The following DCC variants were observed in gnomAD, a reference collection of about 807,000 sequenced individuals.
The protein encoded by DCC is DCC netrin 1 receptor, also known as netrin receptor DCC.
In DCC, 58 loss-of-function variants were observed where a neutral mutation model predicts 172.5. The observed-to-expected ratio is 0.34, with a 90% CI of 0.27 to 0.42. The LOEUF is 0.42. DCC is among the 10% of genes least tolerant of loss of function. The pLI is 1.00. For synonymous variants in DCC, 709 were observed against 644.5 expected (o/e 1.10, Z -1.52); for missense variants, 1,740 against 1,791.0 (o/e 0.97, Z 0.51).
At chr18:52,575,291 A>G (rs1249166776) in intron 1 of DCC, among the ~76,000 whole-genome samples, 1 of 152,202 alleles carries the variant, frequency 6.6e-6, no homozygotes, top group Non-Finnish European at 1.5e-5. Context: ...AATTACTAAA[A>G]TATACATACT....
chr18:53,370,885 T>C (rs1282945313), intron 15 of DCC, among the ~76,000 whole-genome samples: 2 of 151,794 alleles, frequency 1.3e-5, no homozygotes, highest in African/African-American at 4.8e-5. Context: ...TCTATTTTCT[T>C]ATTTATCTTA....
Position 53,275,472 on chromosome 18 carries a change from C to G in DCC, c.1912-30106C>G, listed in dbSNP as rs73463049. On this transcript the variant is annotated intron_variant, in intron 12 of 28. Coordinates refer to ENST00000442544, the MANE Select transcript of DCC (RefSeq NM_005215.4). The stretch of plus-strand genomic sequence containing the variant: ...CACAGAGAGAGAATTAGATAGTTCT[C>G]TTTAATTGGTTTTAAATTGGTAGTC... Among the ~76,000 whole-genome samples the G allele has an allele frequency of 6.4e-3, 976 of 152,208 alleles. 9 individuals carry two copies. Among genetic ancestry groups the G allele is most frequent in the African/African-American group, 0.023 (953 of 41,532 alleles).
At chr18:52,703,857 A>G (rs759854433) in intron 1 of DCC, among the ~76,000 whole-genome samples, 1 of 151,930 alleles carries the variant, frequency 6.6e-6, no homozygotes, top group African/African-American at 2.4e-5. Flanking sequence ...ACTATTTCCT[A>G]TGCTTAGATT....
intron 1 of DCC, among the ~76,000 whole-genome samples, chr18:52,580,220 G>T (rs141282533): frequency 6.6e-4 from 101 of 152,264 alleles, no homozygotes; most frequent in African/African-American, 2.4e-3. Flanking sequence ...TGACCTTAAG[G>T]CCCAATCAGA....
chr18:53,417,758 A>T (rs1402442990), intron 21 of DCC, among the ~76,000 whole-genome samples: 1 of 152,168 alleles, frequency 6.6e-6, no homozygotes, highest in African/African-American at 2.4e-5. Flanking sequence ...CAGGCTTCTC[A>T]ATAAATGGCT....
At chr18:53,421,380 A>C (rs188240288) in intron 21 of DCC, among the ~76,000 whole-genome samples, 134 of 152,302 alleles carry the variant, frequency 8.8e-4, no homozygotes, top group Non-Finnish European at 1.4e-3. Flanking sequence ...GATGAATTAC[A>C]AAGAAAATGC....
At chr18:53,207,324 T>A (rs1311274147) in intron 10 of DCC, among the ~76,000 whole-genome samples, 1 of 152,236 alleles carries the variant, frequency 6.6e-6, no homozygotes, top group Non-Finnish European at 1.5e-5. Flanking sequence ...TGGTGAATTA[T>A]TCCATTTTGG....
intron 3 of DCC, among the ~76,000 whole-genome samples, chr18:52,915,675 T>C (rs1241980959): frequency 6.6e-6 from 1 of 152,058 alleles, no homozygotes; most frequent in Non-Finnish European, 1.5e-5. Flanking sequence ...TGAAATATAG[T>C]AATTGAACAT....
chr18:52,793,563 A>G (rs972057358), intron 2 of DCC, among the ~76,000 whole-genome samples: 5 of 152,122 alleles, frequency 3.3e-5, no homozygotes, highest in African/African-American at 4.8e-5. Context: ...TGAATATTTT[A>G]CAAATATTTT....
rs2040218448 is a variant in DCC at position 52,927,047 on chromosome 18, A to ATACATATACACCTATATATACG, written c.985+1679_985+1680insCATATACACCTATATATACGTA. 3.1e-5 allele frequency among the ~76,000 whole-genome samples: 4 copies of ATACATATACACCTATATATACG among 128,542 alleles called. 1 individual carries two copies. Among genetic ancestry groups the ATACATATACACCTATATATACG allele is most frequent in the Admixed American group, 1.5e-4 (2 of 13,254 alleles). 84.3% of individuals were successfully genotyped at this position (128,542 alleles called of 152,430 possible). On this transcript the variant is annotated intron_variant, in intron 5 of 28. Coordinates refer to ENST00000442544, the MANE Select transcript of DCC (RefSeq NM_005215.4). The stretch of plus-strand genomic sequence containing the variant: ...AATGCCAGTATGAGTATGCCAATAC[A>ATACATATACACCTATATATACG]TATATATACACATATATACACACAT...
Position 52,801,448 on chromosome 18 carries a change from GA to G in DCC, c.412+49083del, listed in dbSNP as rs1025044835. Among the ~76,000 whole-genome samples the G allele has an allele frequency of 1.9e-4, 28 of 149,850 alleles. 1 individual carries two copies. Among genetic ancestry groups the G allele is most frequent in the East Asian group, 3.9e-4 (2 of 5,140 alleles). ...TGAGTATTAGTTTTTCTTTATGGGT[GA>G]AAAAAAAATTGCCTCACAAAGGGGT... On this transcript the variant is annotated intron_variant, in intron 2 of 28. Transcript: ENST00000442544.
intron 1 of DCC, among the ~76,000 whole-genome samples, chr18:52,493,633 C>A (rs993638882): frequency 2.0e-5 from 3 of 151,918 alleles, no homozygotes; most frequent in African/African-American, 7.2e-5. Context: ...TCAGTGCTCC[C>A]ATTTCATTTC....
intron 1 of DCC, among the ~76,000 whole-genome samples, chr18:52,407,588 TG>T (rs1986696992): frequency 6.6e-6 from 1 of 151,996 alleles, no homozygotes; most frequent in African/African-American, 2.4e-5. Flanking sequence ...TCAATTAGAT[TG>T]AAAAAAAAGC....
chr18:53,330,732 T>C (rs2057521793), intron 14 of DCC, among the ~76,000 whole-genome samples: 1 of 152,178 alleles, frequency 6.6e-6, no homozygotes, highest in Admixed American at 6.6e-5. Flanking sequence ...AGCAAGCTCT[T>C]TACCCAAGTG....
intron 12 of DCC, among the ~76,000 whole-genome samples, chr18:53,288,204 G>T (rs1456304126): frequency 6.6e-6 from 1 of 152,096 alleles, no homozygotes; most frequent in East Asian, 1.9e-4. Flanking sequence ...CTATTGACTA[G>T]TCTGACATAT....
intron 8 of DCC, among the ~76,000 whole-genome samples, chr18:53,169,131 G>A (rs913742748): frequency 2.6e-5 from 4 of 152,220 alleles, no homozygotes; most frequent in African/African-American, 4.8e-5. Flanking sequence ...TGCATCGCAT[G>A]TTGCCATGCT....
intron 2 of DCC, among the ~76,000 whole-genome samples, chr18:52,777,320 A>C (rs74253988): frequency 7.6e-6 from 1 of 131,096 alleles, no homozygotes; most frequent in Non-Finnish European, 1.7e-5. Flanking sequence ...AGGCCATGAG[A>C]ACTCAGGCCT....
chr18:52,792,841 T>C (rs1598807655), intron 2 of DCC, among the ~76,000 whole-genome samples: 2 of 152,158 alleles, frequency 1.3e-5, no homozygotes, highest in African/African-American at 4.8e-5. Context: ...TTCTATTCCA[T>C]TCCATTCCAT....
chr18:53,217,709 T>C (rs1397535672), intron 12 of DCC, among the ~76,000 whole-genome samples: 1 of 152,158 alleles, frequency 6.6e-6, no homozygotes. Context: ...TTGAAATAGA[T>C]GAAAAGTTTT....
Sources: gnomAD v4.1 joint callset for allele counts (sites outside exome capture counted in the v4.1 genomes callset) on GRCh38, gnomAD v4.1.1 for gene constraint, MANE v1.5 for transcripts, NCBI Gene and HGNC (gene_info 2026-07-23, HGNC 2026-07-21) for gene names.